Variants in SPINT2 observed in about 807,000 individuals in gnomAD.
SPINT2 encodes kunitz-type protease inhibitor 2.
A neutral mutation model predicts 30.1 loss-of-function variants in SPINT2; 18 were observed. The ratio of observed to expected loss-of-function variants is 0.60; its 90% CI spans 0.41 to 0.89. The LOEUF (loss-of-function observed/expected upper bound fraction) is 0.89, where lower values mean the gene tolerates loss of function less well. SPINT2 is among the 40% of genes least tolerant of loss of function. The pLI, the probability that SPINT2 is intolerant of heterozygous loss-of-function variation, is 0.00. For missense variants in SPINT2, 276 were observed against 334.3 expected (o/e 0.83, Z 1.36); for synonymous variants, 139 against 137.9 (o/e 1.01, Z -0.05).
intron 1 of SPINT2, among the ~76,000 whole-genome samples, chr19:38,280,137 T>A (rs1968564062): frequency 6.6e-6 from 1 of 152,076 alleles, no homozygotes; most frequent in Non-Finnish European, 1.5e-5. Flanking sequence ...GCAAGACTTG[T>A]CATGAAGCCC....
chr19:38,265,030 G>T (rs1968361218), intron 1 of SPINT2, 32 bp downstream of exon 1: 2 of 1,517,124 alleles, frequency 1.3e-6, no homozygotes, highest in African/African-American at 1.4e-5. Flanking sequence ...TGGAGGCGGG[G>T]CGCAGGGGGC....
At chr19:38,275,126 G>T (rs1169034763) in intron 1 of SPINT2, among the ~76,000 whole-genome samples, 3 of 152,198 alleles carry the variant, frequency 2.0e-5, no homozygotes, top group Admixed American at 2.0e-4. Context: ...AATGATGCTT[G>T]CTCTGTATCG....
At chr19:38,280,900 C>T (rs558121622) in intron 1 of SPINT2, among the ~76,000 whole-genome samples, 1 of 152,330 alleles carries the variant, frequency 6.6e-6, no homozygotes, top group South Asian at 2.1e-4. Context: ...TGGAAAAAGG[C>T]TGTGTCTGAC....
rs927336474 is a variant in SPINT2 at position 38,271,677 on chromosome 19, C to CA, written c.106+6688dup. 4.1e-4 allele frequency among the ~76,000 whole-genome samples: 62 copies of CA among 150,632 alleles called. 2 individuals are homozygous for CA. Among genetic ancestry groups the CA allele is most frequent in the Middle Eastern group, 3.4e-3 (1 of 292 alleles). On this transcript the variant is annotated intron_variant, in intron 1 of 6. Coordinates refer to ENST00000301244, the MANE Select transcript of SPINT2 (RefSeq NM_021102.4). ...TGAAACCCCATCTCTACTAAAAATA[C>CA]AAAAAAAAATTAGCCGGGTGCAGTG...
chr19:38,285,649 C>T (rs998909523), intron 2 of SPINT2, among the ~76,000 whole-genome samples: 6 of 152,150 alleles, frequency 3.9e-5, no homozygotes, highest in African/African-American at 1.2e-4. Flanking sequence ...AAACATTTCA[C>T]TTTAACTGAA....
intron 1 of SPINT2, among the ~76,000 whole-genome samples, chr19:38,271,758 G>A (rs1968459556): frequency 6.6e-6 from 1 of 152,152 alleles, no homozygotes; most frequent in African/African-American, 2.4e-5. Flanking sequence ...GGTGGAGGTT[G>A]CAGTGAGCCG....
intron 1 of SPINT2, among the ~76,000 whole-genome samples, chr19:38,274,146 C>T (rs1968489302): frequency 6.6e-6 from 1 of 151,800 alleles, no homozygotes; most frequent in Admixed American, 6.6e-5. Flanking sequence ...GGGTGGGTCA[C>T]TGAGCACAGG....
intron 1 of SPINT2, among the ~76,000 whole-genome samples, chr19:38,267,652 G>C (rs891663065): frequency 5.9e-5 from 9 of 151,992 alleles, no homozygotes; most frequent in South Asian, 4.2e-4. Flanking sequence ...GAGGAAGCGG[G>C]GGGGCGAGGG....
In SPINT2 at chr19:38,291,944, C is replaced by A. The variant is rs142877026; in HGVS notation, c.697C>A (p.Arg233Ser). ...VARRNQERALRTVWSSGDDKE... is the reference protein window; with the variant it reads ...VARRNQERALSTVWSSGDDKE... ...ACGGAGGAACCAGGAGCGTGCCCTG[C>A]GCACCGTCTGGAGCTCCGGAGATGA... Residue 233 changes from arginine to serine, a missense_variant, in exon 7 of 7, where the codon CGC becomes AGC. Physicochemically the swap from Arg to Ser is moderately radical, Grantham distance 110. Transcript: ENST00000301244. The A allele has an allele frequency of 2.5e-6, 4 of 1,613,960 alleles. No homozygotes were observed. The highest frequency in any genetic ancestry group is 3.4e-6 in the Non-Finnish European group (4 of 1,180,020).
intron 2 of SPINT2, among the ~76,000 whole-genome samples, chr19:38,285,752 T>G (rs912696182): frequency 6.6e-6 from 1 of 152,240 alleles, no homozygotes; most frequent in African/African-American, 2.4e-5. Context: ...TGACTTGGTG[T>G]TGTCTCTGTG....
intron 1 of SPINT2, among the ~76,000 whole-genome samples, chr19:38,267,331 A>G (rs904911925): frequency 6.6e-6 from 1 of 152,068 alleles, no homozygotes. Flanking sequence ...CGAGTCATCC[A>G]CTGGGAGTGT....
In SPINT2 at chr19:38,264,601, T is replaced by G. The variant is rs1968353121; in HGVS notation, c.-292T>G. 16 of 331,466 alleles carry G rather than the reference T, an allele frequency of 4.8e-5. No individual in the cohort carries two copies. The highest frequency in any genetic ancestry group is 4.8e-5 in the Admixed American group (1 of 20,658). The allele number at this position is 331,466 out of a possible 1,614,324, so 20.5% of individuals were successfully genotyped here. A position where few individuals can be genotyped will look rare whatever the true frequency, so the allele number is the denominator to read the frequency against. On this transcript the variant is annotated 5_prime_UTR_variant, in exon 1 of 7. Transcript: ENST00000301244. ...ATTGGCTCTGGCGACCTCCGCGCGTTGGGAGGTGTAGCGCGGCTCTGAACG... is the reference window on the plus strand; with the variant it reads ...ATTGGCTCTGGCGACCTCCGCGCGTGGGGAGGTGTAGCGCGGCTCTGAACG...
chr19:38,289,510 A>C (rs899376619), intron 4 of SPINT2: 1 of 233,892 alleles, frequency 4.3e-6, no homozygotes, highest in Non-Finnish European at 8.3e-6. Context: ...AAAAAAAAAA[A>C]AAACTCCGAA....
intron 2 of SPINT2, among the ~76,000 whole-genome samples, chr19:38,287,001 G>T (rs1186959816): frequency 6.6e-6 from 1 of 152,102 alleles, no homozygotes; most frequent in Non-Finnish European, 1.5e-5. Flanking sequence ...GGCCCTGGAA[G>T]TCACTGTGTT....
chr19:38,283,188 G>A (rs1234660089), intron 1 of SPINT2, among the ~76,000 whole-genome samples: 5 of 152,176 alleles, frequency 3.3e-5, no homozygotes, highest in Admixed American at 2.6e-4. Flanking sequence ...GGTGGCGCAC[G>A]CCTGTAGTTC....
chr19:38,269,379 A>C (rs1228519915), intron 1 of SPINT2, among the ~76,000 whole-genome samples: 2 of 119,074 alleles, frequency 1.7e-5, no homozygotes, highest in Non-Finnish European at 3.5e-5. Context: ...GGCAACACTT[A>C]TTTGAGAACC....
Position 38,264,771 on chromosome 19 carries a change from C to T in SPINT2, c.-122C>T, listed in dbSNP as rs1054691103. ...GGCTTTGGCACCTGGCGGACCCTCC[C>T]GGAGCGTCGGCACCTGAACGCGAGG... On this transcript the variant is annotated 5_prime_UTR_variant, in exon 1 of 7. Transcript: ENST00000301244. 6.5e-6 allele frequency: 7 copies of T among 1,078,094 alleles called. No individual in the cohort carries two copies. The highest frequency in any genetic ancestry group is 2.7e-5 in the East Asian group (1 of 37,220). 66.8% of individuals were successfully genotyped at this position (1,078,094 alleles called of 1,614,324 possible).
At chr19:38,284,931 G>A (rs530106502) in intron 2 of SPINT2, among the ~76,000 whole-genome samples, 50 of 152,042 alleles carry the variant, frequency 3.3e-4, no homozygotes, top group Non-Finnish European at 6.5e-4. Context: ...GGCCAAGCTG[G>A]TCTTGAACTT....
intron 3 of SPINT2, 148 bp downstream of exon 3, chr19:38,288,083 C>T (rs1968664459): frequency 9.6e-6 from 8 of 832,948 alleles, no homozygotes; most frequent in South Asian, 5.6e-5. Flanking sequence ...CCTGGGCTGC[C>T]GGCTTCTGGC....
Sources: gnomAD v4.1 joint callset for allele counts (sites outside exome capture counted in the v4.1 genomes callset) on GRCh38, gnomAD v4.1.1 for gene constraint, MANE v1.5 for transcripts, NCBI Gene and HGNC (gene_info 2026-07-23, HGNC 2026-07-21) for gene names.